TEAD2: variants seen among roughly 807,000 people sequenced by gnomAD.
TEAD2 encodes the protein TEA domain transcription factor 2.
In TEAD2, 51 loss-of-function variants were observed where a neutral mutation model predicts 61.4. That is an observed-to-expected ratio of 0.83 (90% CI 0.66 to 1.05). The LOEUF (loss-of-function observed/expected upper bound fraction) is 1.05. TEAD2 is among the 50% of genes least tolerant of loss of function. The pLI is 0.00. For missense variants in TEAD2, 509 were observed against 600.0 expected (o/e 0.85, Z 1.58); for synonymous variants, 244 against 243.2 (o/e 1.00, Z -0.03).
Position 49,348,760 on chromosome 19 carries a change from G to A in TEAD2, c.690C>T (p.Ala230=). 1.9e-6 allele frequency: 3 copies of A among 1,614,066 alleles called. No individual in the cohort carries two copies. Among genetic ancestry groups the A allele is most frequent in the Non-Finnish European group, 2.5e-6 (3 of 1,179,978 alleles). The change falls in exon 9 of 13, where the codon GCC becomes GCT. Residue 230 remains alanine (A), a synonymous_variant. Coordinates refer to ENST00000593945, the MANE Select transcript of TEAD2 (RefSeq NM_001256660.2). ...CTGAGAACTCTACCAGCTGCAACCG[G>A]GCGGTGCCCAGGCCCCGAGCCTGCC... ...PAWQARGLGT[A]RLQLVEFSAF... is the part of the protein sequence containing the mutation.
At chr19:49,343,736 C>T (rs1368282950) in intron 10 of TEAD2, among the ~76,000 whole-genome samples, 2 of 148,312 alleles carry the variant, frequency 1.3e-5, no homozygotes, top group Non-Finnish European at 3.0e-5. Context: ...GAAACTCCAT[C>T]TTAAAAAAAA....
intron 8 of TEAD2, among the ~76,000 whole-genome samples, chr19:49,349,524 G>T (rs750057479): frequency 5.9e-5 from 9 of 151,882 alleles, no homozygotes; most frequent in Non-Finnish European, 1.2e-4. Flanking sequence ...GAAGTGCTTG[G>T]GTCATGGGGG....
At chr19:49,347,075 T>C (rs1971694657) in intron 10 of TEAD2, 115 bp downstream of exon 10, 2 of 1,370,210 alleles carry the variant, frequency 1.5e-6, no homozygotes, top group Non-Finnish European at 2.0e-6. Context: ...GAGGACTGAC[T>C]GGTAAGTCCC....
At chr19:49,358,127 A>T (rs1972526773) in intron 3 of TEAD2, among the ~76,000 whole-genome samples, 1 of 152,224 alleles carries the variant, frequency 6.6e-6, no homozygotes, top group African/African-American at 2.4e-5. Flanking sequence ...CCAGCTACTC[A>T]GGAGGCTGAA....
chr19:49,351,312 G>A lies in TEAD2; in HGVS notation c.593C>T (p.Thr198Ile), dbSNP rs756191933. The change falls in exon 8 of 13, where the codon ACT becomes ATT. Residue 198 changes from threonine (T) to isoleucine (I), a missense_variant. Physicochemically the swap from Thr to Ile is moderately conservative, Grantham distance 89. Transcript: ENST00000593945. ...GCGCAGGCTCTTACCTGGGAGGTCA[G>A]TAGATGGGGGAGTCAGTGACAAGGT... ...PFTLSLTPPS[T>I]DLPGYEPPQA... is the part of the protein sequence containing the mutation. 1 of 1,612,072 alleles carries A rather than the reference G, an allele frequency of 6.2e-7. No individual in the cohort carries two copies. Among genetic ancestry groups the A allele is most frequent in the South Asian group, 1.1e-5 (1 of 90,330 alleles).
chr19:49,360,753 GGA>G (rs1972799032), intron 1 of TEAD2, among the ~76,000 whole-genome samples: 1 of 75,052 alleles, frequency 1.3e-5, no homozygotes, highest in Non-Finnish European at 3.1e-5. Flanking sequence ...ACCCAGAGAG[GGA>G]GGGGGACAGA....
chr19:49,356,420 A>C (rs1292748477), intron 4 of TEAD2, among the ~76,000 whole-genome samples: 1 of 151,542 alleles, frequency 6.6e-6, no homozygotes. Flanking sequence ...ACCGTCCCCA[A>C]GTCCAGAAAA....
At chr19:49,346,079 C>T (rs1198028006) in intron 10 of TEAD2, among the ~76,000 whole-genome samples, 4 of 149,480 alleles carry the variant, frequency 2.7e-5, no homozygotes, top group Non-Finnish European at 5.9e-5. Flanking sequence ...GCTGGAGAAT[C>T]GCTTGAACCC....
intron 11 of TEAD2, 106 bp downstream of exon 11, chr19:49,343,125 G>T: frequency 7.4e-7 from 1 of 1,343,684 alleles, no homozygotes. Flanking sequence ...AAAGAGGCTG[G>T]GACCCACTCC....
chr19:49,345,826 C>T (rs1971592735), intron 10 of TEAD2, among the ~76,000 whole-genome samples: 1 of 151,930 alleles, frequency 6.6e-6, no homozygotes, highest in Non-Finnish European at 1.5e-5. Flanking sequence ...GTCAGGAGTT[C>T]GAGACCAGAC....
At position 49,351,432 on chromosome 19, in the gene TEAD2, C is replaced by T. The variant is rs1972017553; in HGVS notation, c.540-67G>A. ...TGCTAATGTCACCAGCAAATGTTTA[C>T]TGAGAGGCCACAACAAGCAAGACCC... On this transcript the variant is annotated intron_variant, in intron 7 of 12. Transcript: ENST00000593945. 6 of 1,456,004 alleles carry T rather than the reference C, an allele frequency of 4.1e-6. No individual in the cohort carries two copies. In the East Asian group the frequency reaches 1.2e-4, roughly 29 times the overall value. 90.2% of individuals were successfully genotyped at this position (1,456,004 alleles called of 1,614,324 possible).
chr19:49,341,218 C>A lies in TEAD2; in HGVS notation c.*106G>T. 1 of 1,023,376 alleles carries A rather than the reference C, an allele frequency of 9.8e-7. No individual in the cohort carries two copies. The highest frequency in any genetic ancestry group is 2.4e-5 in the East Asian group (1 of 41,280). The allele number at this position is 1,023,376 out of a possible 1,614,324, so 63.4% of individuals were successfully genotyped here. On this transcript the variant is annotated 3_prime_UTR_variant, in exon 13 of 13. Coordinates refer to ENST00000593945, the MANE Select transcript of TEAD2 (RefSeq NM_001256660.2). The surrounding 1 kb of genome is among the most constrained non-coding windows in gnomAD (Gnocchi z 4.2). ...GTTGCTTAGGCCTCTGAGGTCAACCCCTTTACATCACAGCCCTCTCCCCAA... is the reference window on the plus strand; with the variant it reads ...GTTGCTTAGGCCTCTGAGGTCAACCACTTTACATCACAGCCCTCTCCCCAA...
At chr19:49,346,376 G>A (rs1971642203) in intron 10 of TEAD2, among the ~76,000 whole-genome samples, 1 of 151,856 alleles carries the variant, frequency 6.6e-6, no homozygotes, top group Non-Finnish European at 1.5e-5. Context: ...ACAGGACTTG[G>A]ACGGGTGCGG....
chr19:49,360,696 A>G (rs1261901427), intron 1 of TEAD2, among the ~76,000 whole-genome samples: 1 of 142,498 alleles, frequency 7.0e-6, no homozygotes, highest in Non-Finnish European at 1.5e-5. Context: ...AGAAAAGAAG[A>G]GGGGCCAAGC....
chr19:49,355,514 C>A, intron 5 of TEAD2, 95 bp from the exon 6 acceptor site: 2 of 1,066,272 alleles, frequency 1.9e-6, no homozygotes, highest in East Asian at 2.5e-5. Flanking sequence ...CGGGGAGGTG[C>A]AGAGGTGGGG....
In TEAD2 at chr19:49,343,510, C is replaced by T. The variant is rs530941210; in HGVS notation, c.922-112G>A. ...ATCCCAGTACTTTGGGAGGCCGAGGCGGGCGGATCACCTGAGGTTGGGAGT... is the reference window on the plus strand; with the variant it reads ...ATCCCAGTACTTTGGGAGGCCGAGGTGGGCGGATCACCTGAGGTTGGGAGT... On this transcript the variant is annotated intron_variant, in intron 10 of 12. Transcript: ENST00000593945. The T allele has an allele frequency of 8.2e-5, 103 of 1,258,762 alleles. No individual in the cohort carries two copies. In the African/African-American group the frequency reaches 1.3e-3, roughly 15 times the overall value. The allele number at this position is 1,258,762 out of a possible 1,614,324, so 78.0% of individuals were successfully genotyped here.
chr19:49,352,571 T>C (rs943104623), intron 7 of TEAD2, among the ~76,000 whole-genome samples: 1 of 152,182 alleles, frequency 6.6e-6, no homozygotes, highest in Admixed American at 6.5e-5. Flanking sequence ...AGTTTTGCTC[T>C]TGTTGCCCAG....
intron 8 of TEAD2, 173 bp from the exon 9 acceptor site, chr19:49,349,018 T>C (rs1000323766): frequency 1.4e-6 from 1 of 710,460 alleles, no homozygotes; most frequent in Admixed American, 3.8e-5. Context: ...AATGAGACGT[T>C]AGGGGAAATC....
At chr19:49,355,882 C>T (rs1418650649) in intron 5 of TEAD2, 77 bp downstream of exon 5, 24 of 1,260,962 alleles carry the variant, frequency 1.9e-5, no homozygotes, top group Middle Eastern at 2.0e-4. Flanking sequence ...CCTCTCCCCA[C>T]AGCCCTCTGC....
Sources: allele counts gnomAD v4.1 joint callset (sites outside exome capture counted in the v4.1 genomes callset), GRCh38; gene constraint gnomAD v4.1.1; non-coding constraint Gnocchi (gnomAD v3.1); transcripts MANE v1.5; gene names NCBI Gene and HGNC (gene_info 2026-07-23, HGNC 2026-07-21).